Variants in DCUN1D4 observed in about 807,000 individuals in gnomAD.
DCUN1D4 encodes DCN1-like protein 4.
A neutral mutation model predicts 47.9 loss-of-function variants in DCUN1D4; 22 were observed. The observed-to-expected ratio is 0.46, with a 90% CI of 0.33 to 0.66. DCUN1D4 has a LOEUF of 0.66. Among genes scored for constraint, DCUN1D4 ranks in the 30% least tolerant of loss-of-function variants. DCUN1D4 has a pLI of 0.02. For synonymous variants in DCUN1D4, 121 were observed against 112.2 expected (o/e 1.08, Z -0.50); for missense variants, 301 against 340.8 (o/e 0.88, Z 0.92).
intron 6 of DCUN1D4, among the ~76,000 whole-genome samples, chr4:51,890,826 T>C (rs1730309565): frequency 1.3e-5 from 2 of 152,248 alleles, no homozygotes; most frequent in African/African-American, 2.4e-5. Context: ...TAGGTATTTA[T>C]TAAAACTCAC....
At chr4:51,903,641 A>T (rs990053785) in intron 8 of DCUN1D4, among the ~76,000 whole-genome samples, 2 of 152,136 alleles carry the variant, frequency 1.3e-5, no homozygotes, top group African/African-American at 4.8e-5. Context: ...GGTTGCTTGA[A>T]TGTGTCCCAC....
In DCUN1D4 at chr4:51,913,639, AGCCATAAATT is replaced by A; in HGVS notation, c.*58_*67del. 6.6e-7 allele frequency: 1 copy of A among 1,521,604 alleles called. No homozygotes were observed. The highest frequency in any genetic ancestry group is 9.1e-7 in the Non-Finnish European group (1 of 1,100,050). The allele number at this position is 1,521,604 out of a possible 1,614,324, so 94.3% of individuals were successfully genotyped here. The stretch of plus-strand genomic sequence containing the variant: ...TGTTACCACAGTTTTGTCACCCATT[AGCCATAAATT>A]GCTGTTTGTATCAAAGCGCATGCTG... On this transcript the variant is annotated 3_prime_UTR_variant, in exon 11 of 11. Coordinates refer to ENST00000334635, the MANE Select transcript of DCUN1D4 (RefSeq NM_001040402.3).
At chr4:51,835,502 G>T in the DCUN1D4 span, among the ~76,000 whole-genome samples, 1 of 152,316 alleles carries the variant, frequency 6.6e-6, no homozygotes, top group East Asian at 1.9e-4. Flanking sequence ...GTGAATGGAG[G>T]TTTAGGAACC....
rs1734202665 is a variant in DCUN1D4 at position 51,915,098 on chromosome 4, G to GT, written c.*1517dup. On this transcript the variant is annotated 3_prime_UTR_variant, in exon 11 of 11. Transcript: ENST00000334635. ...AACTTCTTTCGGGTGACATGTGATC[G>GT]TTTAAATGGCATTAAGTGAATAAAG... 1 of 152,472 alleles carries GT rather than the reference G, an allele frequency of 6.6e-6. No individual in the cohort carries two copies. The highest frequency in any genetic ancestry group is 2.1e-4 in the South Asian group (1 of 4,828). The allele number at this position is 152,472 out of a possible 1,614,324, so 9.4% of individuals were successfully genotyped here.
chr4:51,911,779 T>A (rs1371378088), intron 9 of DCUN1D4, among the ~76,000 whole-genome samples: 1 of 152,130 alleles, frequency 6.6e-6, no homozygotes, highest in African/African-American at 2.4e-5. Flanking sequence ...AGCTACTGGT[T>A]TTGTTGAAGT....
chr4:51,843,027 T>G (rs1721840598), upstream of DCUN1D4: 1 of 1,354,698 alleles, frequency 7.4e-7, no homozygotes, highest in Non-Finnish European at 9.5e-7. Flanking sequence ...CGTTGCCAGC[T>G]CCAGACCGGC....
At chr4:51,840,504 G>A (rs1176734556), upstream of DCUN1D4, among the ~76,000 whole-genome samples, 2 of 152,184 alleles carry the variant, frequency 1.3e-5, no homozygotes, top group Non-Finnish European at 2.9e-5. Flanking sequence ...AACTAGCCAA[G>A]TGACTCAGAT....
chr4:51,872,552 G>A (rs1171039768), intron 3 of DCUN1D4, among the ~76,000 whole-genome samples: 1 of 152,166 alleles, frequency 6.6e-6, no homozygotes, highest in Non-Finnish European at 1.5e-5. Flanking sequence ...CTCAAAGCAT[G>A]CTCTCCTCCT....
rs552659158 is a variant in DCUN1D4 at position 51,881,897 on chromosome 4, G to GT, written c.343+4045dup. On this transcript the variant is annotated intron_variant, in intron 5 of 10. Coordinates refer to ENST00000334635, the MANE Select transcript of DCUN1D4 (RefSeq NM_001040402.3). ...AAGAAAAGTGTTAGGGCTGGGTGCA[G>GT]TTGGTCACGCCTGTAATTCCAACAA... 1.6e-3 allele frequency among the ~76,000 whole-genome samples: 237 copies of GT among 152,282 alleles called. 1 individual carries two copies. The highest frequency in any genetic ancestry group is 5.6e-3 in the African/African-American group (233 of 41,562).
intron 1 of DCUN1D4, chr4:51,860,746 A>T: frequency 2.5e-6 from 1 of 407,860 alleles, no homozygotes; most frequent in South Asian, 1.8e-5. Flanking sequence ...CTAAGCCATG[A>T]GGGATCCGCC....
At chr4:51,891,724 T>C in intron 6 of DCUN1D4, 36 bp from the exon 7 acceptor site, 5 of 1,482,508 alleles carry the variant, frequency 3.4e-6, no homozygotes, top group Non-Finnish European at 3.7e-6. Context: ...ATTTGTGTAA[T>C]ATATTTTTTT....
chr4:51,844,995 C>CA (rs1236014191), intron 1 of DCUN1D4: 12 of 985,320 alleles, frequency 1.2e-5, no homozygotes, highest in Non-Finnish European at 1.4e-5. Flanking sequence ...AGGGAGAGCC[C>CA]ACGCCAGGCG....
chr4:51,876,349 T>C (rs1727669749), intron 4 of DCUN1D4, among the ~76,000 whole-genome samples: 1 of 149,112 alleles, frequency 6.7e-6, no homozygotes, highest in Non-Finnish European at 1.5e-5. Context: ...TTCTCACTCA[T>C]AGGTGGGAAT....
upstream of DCUN1D4, among the ~76,000 whole-genome samples, chr4:51,840,898 G>A (rs967376901): frequency 6.6e-6 from 1 of 152,038 alleles, no homozygotes; most frequent in Non-Finnish European, 1.5e-5. Context: ...ATAAAGATCT[G>A]GGTAAATTAC....
intron 5 of DCUN1D4, 30 bp from the exon 6 acceptor site, chr4:51,886,538 A>G (rs1729502409): frequency 5.0e-6 from 8 of 1,603,342 alleles, no homozygotes; most frequent in Non-Finnish European, 6.8e-6. Flanking sequence ...GCATGGTCAG[A>G]TTTAATTTAC....
chr4:51,892,041 T>C (rs1018997910), intron 7 of DCUN1D4, among the ~76,000 whole-genome samples, 190 bp downstream of exon 7: 1 of 152,156 alleles, frequency 6.6e-6, no homozygotes, highest in Non-Finnish European at 1.5e-5. Context: ...TTATAAAGTG[T>C]CTATATGTGT....
At chr4:51,895,366 CAG>C (rs1433675378) in intron 7 of DCUN1D4, among the ~76,000 whole-genome samples, 3 of 151,766 alleles carry the variant, frequency 2.0e-5, no homozygotes, top group Non-Finnish European at 2.9e-5. Context: ...CCTGGGCTCT[CAG>C]AGGAATTGTG....
intron 5 of DCUN1D4, chr4:51,884,425 A>G (rs1433428528): frequency 7.9e-5 from 12 of 151,394 alleles, no homozygotes; most frequent in Non-Finnish European, 1.5e-5. Context: ...ACTGCAGTGC[A>G]TAGCTCCAGG....
chr4:51,852,574 A>G (rs894946110), intron 1 of DCUN1D4, among the ~76,000 whole-genome samples: 7 of 152,198 alleles, frequency 4.6e-5, no homozygotes, highest in African/African-American at 1.2e-4. Flanking sequence ...TTTAAACACC[A>G]TCACCTTGTG....
Sources: gnomAD v4.1 joint callset for allele counts (sites outside exome capture counted in the v4.1 genomes callset) on GRCh38, gnomAD v4.1.1 for gene constraint, MANE v1.5 for transcripts, NCBI Gene and HGNC (gene_info 2026-07-23, HGNC 2026-07-21) for gene names.